ARHGAP32: variants seen among roughly 807,000 people sequenced by gnomAD.
The protein encoded by ARHGAP32 is rho GTPase-activating protein 32.
Under a neutral mutation model 186.5 loss-of-function variants are expected in ARHGAP32, and 51 were observed. The ratio of observed to expected loss-of-function variants is 0.27; its 90% CI spans 0.22 to 0.35. The LOEUF (loss-of-function observed/expected upper bound fraction) is 0.35. ARHGAP32 is among the 10% of genes least tolerant of loss of function. ARHGAP32 has a pLI of 1.00. For missense variants in ARHGAP32, 2,186 were observed against 2,623.5 expected, an observed-to-expected ratio of 0.83 and a Z score of 3.64; for synonymous variants, 950 against 964.3, an observed-to-expected ratio of 0.99 and a Z score of 0.27.
intron 1 of ARHGAP32, among the ~76,000 whole-genome samples, chr11:129,261,867 A>G (rs953950139): frequency 2.0e-5 from 3 of 152,230 alleles, no homozygotes; most frequent in Admixed American, 1.3e-4. Context: ...TGGCAATAAA[A>G]TGCAATAGTA....
intron 9 of ARHGAP32, among the ~76,000 whole-genome samples, chr11:129,063,242 T>C (rs1940574302): frequency 6.6e-6 from 1 of 152,178 alleles, no homozygotes; most frequent in South Asian, 2.1e-4. Flanking sequence ...CATTTCTTTC[T>C]GTACAGAACC....
intron 10 of ARHGAP32, among the ~76,000 whole-genome samples, chr11:129,047,261 A>T (rs934612804): frequency 6.6e-6 from 1 of 152,188 alleles, no homozygotes; most frequent in African/African-American, 2.4e-5. Context: ...TCCTCAAAAT[A>T]TATCACAGAT....
intron 10 of ARHGAP32, among the ~76,000 whole-genome samples, chr11:129,061,687 A>G (rs770245192): frequency 1.3e-5 from 2 of 152,178 alleles, no homozygotes; most frequent in Non-Finnish European, 2.9e-5. Context: ...GAGAGATTTT[A>G]TCACACTACT....
At chr11:129,127,514 C>T (rs1205678176) in intron 2 of ARHGAP32, among the ~76,000 whole-genome samples, 2 of 151,856 alleles carry the variant, frequency 1.3e-5, no homozygotes, top group Non-Finnish European at 2.9e-5. Flanking sequence ...AAATACAATA[C>T]ACTTTAACAT....
At chr11:129,088,329 C>G (rs892121647) in intron 6 of ARHGAP32, among the ~76,000 whole-genome samples, 32 of 152,308 alleles carry the variant, frequency 2.1e-4, no homozygotes, top group African/African-American at 4.8e-4. Flanking sequence ...CACCTGTAAT[C>G]CCAGCACTTT....
At chr11:129,174,281 G>A (rs530011062) in intron 1 of ARHGAP32, among the ~76,000 whole-genome samples, 39 of 152,186 alleles carry the variant, frequency 2.6e-4, no homozygotes, top group East Asian at 1.9e-4. Flanking sequence ...CACATGGCTC[G>A]GAGGGTCCTA....
intron 1 of ARHGAP32, among the ~76,000 whole-genome samples, chr11:129,201,266 TTATAAG>T (rs1565467069): frequency 1.3e-5 from 2 of 152,316 alleles, no homozygotes; most frequent in African/African-American, 4.8e-5. Flanking sequence ...TAAGCAAAGA[TTATAAG>T]TATACTTTCT....
At chr11:129,084,080 TA>T in intron 6 of ARHGAP32, among the ~76,000 whole-genome samples, 1 of 151,740 alleles carries the variant, frequency 6.6e-6, no homozygotes, top group East Asian at 1.9e-4. Context: ...GGCCAATTTT[TA>T]AAAAGATACA....
chr11:129,252,952 T>C (rs1012888009), intron 1 of ARHGAP32, among the ~76,000 whole-genome samples: 6 of 151,746 alleles, frequency 4.0e-5, no homozygotes, highest in Non-Finnish European at 7.4e-5. Context: ...GGCTTGAAAA[T>C]AGAGGAAGAA....
intron 22 of ARHGAP32, 23 bp from the exon 23 acceptor site, chr11:128,971,182 T>G: frequency 6.4e-7 from 1 of 1,564,868 alleles, no homozygotes; most frequent in South Asian, 1.2e-5. Flanking sequence ...GATAATACTA[T>G]GGGTCTATTT....
intron 1 of ARHGAP32, among the ~76,000 whole-genome samples, chr11:129,236,711 T>C (rs903927690): frequency 6.6e-6 from 1 of 152,204 alleles, no homozygotes. Flanking sequence ...AGGGACAGTT[T>C]GACTTCCTCT....
At chr11:129,120,563 A>G in intron 5 of ARHGAP32, among the ~76,000 whole-genome samples, 1 of 152,122 alleles carries the variant, frequency 6.6e-6, no homozygotes, top group East Asian at 1.9e-4. Flanking sequence ...AAAATTGATC[A>G]TTGGAATTTC....
chr11:129,267,714 A>G (rs1356759390), intron 1 of ARHGAP32, among the ~76,000 whole-genome samples: 1 of 152,206 alleles, frequency 6.6e-6, no homozygotes, highest in Non-Finnish European at 1.5e-5. Context: ...TACTGCCATA[A>G]AGGAACACCT....
At chr11:129,240,915 C>T (rs1168096226) in intron 1 of ARHGAP32, among the ~76,000 whole-genome samples, 2 of 152,118 alleles carry the variant, frequency 1.3e-5, no homozygotes, top group Admixed American at 1.3e-4. Flanking sequence ...AGAAAGGTTC[C>T]TGGAGAAATC....
intron 1 of ARHGAP32, among the ~76,000 whole-genome samples, chr11:129,212,346 A>G (rs1412820212): frequency 2.0e-5 from 3 of 152,130 alleles, no homozygotes; most frequent in Non-Finnish European, 4.4e-5. Flanking sequence ...TAATATGAAA[A>G]TAAGGCTCTC....
chr11:129,024,525 T>C (rs1591541769), intron 11 of ARHGAP32, among the ~76,000 whole-genome samples: 1 of 152,208 alleles, frequency 6.6e-6, no homozygotes. Flanking sequence ...TCTTTTAATA[T>C]CTTTGCTGAT....
At chr11:129,059,496 ATTTTT>A (rs10677456) in intron 10 of ARHGAP32, among the ~76,000 whole-genome samples, 6 of 115,634 alleles carry the variant, frequency 5.2e-5, no homozygotes, top group African/African-American at 2.0e-4. Context: ...CTGATTTGCA[ATTTTT>A]TTTTTTTTTT....
intron 11 of ARHGAP32, among the ~76,000 whole-genome samples, chr11:129,006,180 A>G (rs1302704517): frequency 2.6e-5 from 4 of 152,110 alleles, no homozygotes; most frequent in Non-Finnish European, 5.9e-5. Flanking sequence ...GCTATTTCGA[A>G]GTCTCTGTCT....
intron 1 of ARHGAP32, among the ~76,000 whole-genome samples, chr11:129,166,138 C>T (rs2135492149): frequency 6.6e-6 from 1 of 151,222 alleles, no homozygotes; most frequent in East Asian, 1.9e-4. Flanking sequence ...ATAAACATAG[C>T]TAAAGAGAGG....
Sources: gnomAD v4.1 joint callset for allele counts (sites outside exome capture counted in the v4.1 genomes callset) on GRCh38, gnomAD v4.1.1 for gene constraint, MANE v1.5 for transcripts, NCBI Gene and HGNC (gene_info 2026-07-23, HGNC 2026-07-21) for gene names.